The following WWOX variants were observed in gnomAD, a reference collection of about 807,000 sequenced individuals.
WWOX encodes the protein WW domain-containing oxidoreductase.
A neutral mutation model predicts 46.2 loss-of-function variants in WWOX; 69 were observed. The ratio of observed to expected loss-of-function variants is 1.49; its 90% CI spans 1.23 to 1.82. The LOEUF is 1.82. Ranked by LOEUF, WWOX falls within the 40% of genes most tolerant of loss-of-function variation. The pLI is 0.00. For missense variants in WWOX, 919 were observed against 542.6 expected (o/e 1.69, Z -6.89); for synonymous variants, 359 against 202.6 (o/e 1.77, Z -6.56).
At chr16:78,943,034 T>A (rs2151294044) in intron 8 of WWOX, among the ~76,000 whole-genome samples, 1 of 152,330 alleles carries the variant, frequency 6.6e-6, no homozygotes, top group South Asian at 2.1e-4. Flanking sequence ...TTTGCTTATC[T>A]CTCCTGCTTC....
chr16:79,189,449 GTGTGT>G (rs1452996310), intron 8 of WWOX, among the ~76,000 whole-genome samples: 2 of 147,888 alleles, frequency 1.4e-5, no homozygotes, highest in East Asian at 4.0e-4. Context: ...GTGTGTGTGT[GTGTGT>G]GTGTGTGTGT....
chr16:78,787,698 G>A (rs2050491820), intron 8 of WWOX, among the ~76,000 whole-genome samples: 1 of 152,158 alleles, frequency 6.6e-6, no homozygotes, highest in Admixed American at 6.5e-5. Flanking sequence ...TGGCATTGCT[G>A]GGTAATATGG....
chr16:78,144,253 G>A (rs1030369977), intron 4 of WWOX, among the ~76,000 whole-genome samples: 1 of 150,908 alleles, frequency 6.6e-6, no homozygotes, highest in Non-Finnish European at 1.5e-5. Flanking sequence ...AGCTGGAGAA[G>A]TTAAGATTCA....
chr16:78,884,412 G>A (rs1028708022), intron 8 of WWOX, among the ~76,000 whole-genome samples: 1 of 151,858 alleles, frequency 6.6e-6, no homozygotes, highest in Non-Finnish European at 1.5e-5. Flanking sequence ...CATTATTCAT[G>A]ATTACTCAAG....
At chr16:78,444,788 C>T (rs1046702790) in intron 8 of WWOX, among the ~76,000 whole-genome samples, 2 of 152,080 alleles carry the variant, frequency 1.3e-5, no homozygotes, top group Non-Finnish European at 2.9e-5. Context: ...CCTCGGCCTC[C>T]CAAAGTGCTG....
chr16:78,635,237 G>C (rs1052518591), intron 8 of WWOX, among the ~76,000 whole-genome samples: 2 of 152,174 alleles, frequency 1.3e-5, no homozygotes, highest in African/African-American at 4.8e-5. Context: ...AGATGCGTGA[G>C]ACCCTTTCAA....
At chr16:78,592,436 A>G (rs1183260858) in intron 8 of WWOX, among the ~76,000 whole-genome samples, 5 of 152,160 alleles carry the variant, frequency 3.3e-5, no homozygotes, top group African/African-American at 1.2e-4. Flanking sequence ...AAGCATGCAG[A>G]TTGTAAGTGT....
intron 8 of WWOX, among the ~76,000 whole-genome samples, chr16:78,772,988 G>A (rs2050100945): frequency 6.6e-6 from 1 of 152,196 alleles, no homozygotes; most frequent in African/African-American, 2.4e-5. Flanking sequence ...TCATGCCGCT[G>A]TGCTCCAGCC....
chr16:78,985,911 T>C (rs923600756), intron 8 of WWOX, among the ~76,000 whole-genome samples: 1 of 152,232 alleles, frequency 6.6e-6, no homozygotes, highest in South Asian at 2.1e-4. Flanking sequence ...CCAGGATCCC[T>C]CTCATACAAA....
At chr16:78,619,903 A>AAAATAAAT (rs566599249) in intron 8 of WWOX, among the ~76,000 whole-genome samples, 2 of 152,084 alleles carry the variant, frequency 1.3e-5, no homozygotes, top group Non-Finnish European at 2.9e-5. Context: ...ACCTGTCTCC[A>AAAATAAAT]AAATAAATAA....
intron 8 of WWOX, among the ~76,000 whole-genome samples, chr16:79,198,430 T>C (rs767462088): frequency 6.6e-6 from 1 of 152,210 alleles, no homozygotes; most frequent in Non-Finnish European, 1.5e-5. Context: ...TGGGTATGGC[T>C]GCATCCTCTG....
intron 5 of WWOX, among the ~76,000 whole-genome samples, chr16:78,379,353 A>C (rs2081901788): frequency 6.6e-6 from 1 of 152,166 alleles, no homozygotes; most frequent in Non-Finnish European, 1.5e-5. Context: ...TTCTCTCTGC[A>C]GTTGCACATG....
Position 78,232,896 on chromosome 16 carries a change from C to T in WWOX, c.516+68607C>T, listed in dbSNP as rs377213363. ...CTCGCTCTGTCACCGGGCTGGAGTG[C>T]AGTGGTGCTATTTCGGCTAACTGCA... is the stretch of plus-strand genomic sequence containing the variant. On this transcript the variant is annotated intron_variant, in intron 5 of 8. Coordinates refer to ENST00000566780, the MANE Select transcript of WWOX (RefSeq NM_016373.4). Among the ~76,000 whole-genome samples, 30 of 151,808 alleles carry T rather than the reference C, an allele frequency of 2.0e-4. No individual in the cohort carries two copies. In the East Asian group the frequency reaches 2.7e-3, roughly 14 times the overall value.
At chr16:78,619,224 C>G (rs2046115871) in intron 8 of WWOX, among the ~76,000 whole-genome samples, 2 of 91,032 alleles carry the variant, frequency 2.2e-5, no homozygotes, top group Admixed American at 1.4e-4. Flanking sequence ...TGTAGCCATG[C>G]ATGGGGGCCT....
At chr16:78,459,415 TTCA>T (rs2083900070) in intron 8 of WWOX, among the ~76,000 whole-genome samples, 1 of 152,222 alleles carries the variant, frequency 6.6e-6, no homozygotes, top group African/African-American at 2.4e-5. Flanking sequence ...GATTTCATCT[TTCA>T]TCAAGAGAAG....
intron 8 of WWOX, among the ~76,000 whole-genome samples, chr16:78,959,489 A>G (rs571253016): frequency 8.5e-5 from 13 of 152,312 alleles, no homozygotes; most frequent in South Asian, 2.1e-4. Context: ...CCATCCATCT[A>G]TCTGTCCATC....
intron 8 of WWOX, among the ~76,000 whole-genome samples, chr16:79,041,102 C>T (rs769608578): frequency 2.0e-5 from 3 of 152,006 alleles, no homozygotes; most frequent in Non-Finnish European, 2.9e-5. Flanking sequence ...TAATTCATTA[C>T]GTGTGTTGTC....
chr16:79,138,287 G>A (rs974136027), intron 8 of WWOX, among the ~76,000 whole-genome samples: 1 of 152,174 alleles, frequency 6.6e-6, no homozygotes, highest in Non-Finnish European at 1.5e-5. Flanking sequence ...TGTGTAATTC[G>A]TCATGATCCT....
intron 8 of WWOX, among the ~76,000 whole-genome samples, chr16:78,451,116 G>T (rs915636470): frequency 6.6e-6 from 1 of 152,122 alleles, no homozygotes; most frequent in East Asian, 1.9e-4. Context: ...CAAGCTAAAG[G>T]CTCTGTTGGG....
Sources: allele counts gnomAD v4.1 joint callset (sites outside exome capture counted in the v4.1 genomes callset), GRCh38; gene constraint gnomAD v4.1.1; transcripts MANE v1.5; gene names NCBI Gene and HGNC (gene_info 2026-07-23, HGNC 2026-07-21).